The following CRK variants were observed in gnomAD, a reference collection of about 807,000 sequenced individuals.
CRK encodes the protein adapter molecule crk.
CRK carries 4 observed loss-of-function variants against 29.8 expected under a neutral mutation model. The observed-to-expected ratio is 0.13, with a 90% CI of 0.07 to 0.31. CRK has a LOEUF of 0.31. CRK is among the 10% of genes least tolerant of loss of function. The probability of loss-of-function intolerance (pLI) is 1.00; values close to 1 mark genes in which losing one functional copy is unlikely to be tolerated. For missense variants in CRK, 274 were observed against 396.5 expected (o/e 0.69, Z 2.62); for synonymous variants, 153 against 164.9 (o/e 0.93, Z 0.55).
chr17:1,440,624 A>C (rs1438027215), intron 1 of CRK, among the ~76,000 whole-genome samples: 2 of 151,998 alleles, frequency 1.3e-5, no homozygotes, highest in African/African-American at 4.8e-5. Flanking sequence ...CTAAAAAAAC[A>C]AAAAACAAGC....
chr17:1,450,528 C>A (rs12946190), intron 1 of CRK, among the ~76,000 whole-genome samples: 83,630 of 150,382 alleles, frequency 0.56, 23,713 homozygotes, highest in South Asian at 0.64. Context: ...AGAAAAAAAA[C>A]ACATAAAAAT....
At chr17:1,432,637 C>A (rs1360518562) in intron 2 of CRK, among the ~76,000 whole-genome samples, 1 of 151,660 alleles carries the variant, frequency 6.6e-6, no homozygotes, top group Non-Finnish European at 1.5e-5. Context: ...ATTAGCCAGG[C>A]GTGGTGGCGG....
intron 2 of CRK, among the ~76,000 whole-genome samples, chr17:1,435,451 A>T (rs1268541285): frequency 2.2e-5 from 3 of 134,176 alleles, no homozygotes; most frequent in African/African-American, 6.0e-5. Flanking sequence ...AGATAAAAAT[A>T]AAAAAAAGCA....
chr17:1,444,787 C>T (rs1315155990), intron 1 of CRK, among the ~76,000 whole-genome samples: 2 of 145,788 alleles, frequency 1.4e-5, no homozygotes, highest in African/African-American at 2.6e-5. Flanking sequence ...GAGCTGAGAT[C>T]GCACCATTGC....
At chr17:1,455,657 C>T (rs2074050571) in intron 1 of CRK, among the ~76,000 whole-genome samples, 1 of 151,764 alleles carries the variant, frequency 6.6e-6, no homozygotes, top group Non-Finnish European at 1.5e-5. Flanking sequence ...CGCGGCTGCC[C>T]TCCCCAGGCA....
chr17:1,437,241 G>C, intron 1 of CRK, 86 bp from the exon 2 acceptor site: 1 of 1,396,206 alleles, frequency 7.2e-7, no homozygotes, highest in Non-Finnish European at 9.5e-7. Context: ...TTTTAGAGTT[G>C]GGATCTCACT....
chr17:1,426,837 G>A (rs2150899197), intron 2 of CRK, among the ~76,000 whole-genome samples: 3 of 130,732 alleles, frequency 2.3e-5, no homozygotes, highest in Middle Eastern at 7.0e-3. Flanking sequence ...ACTCCAGCCT[G>A]GCCAACAGAG....
In CRK at chr17:1,436,763, G is replaced by C; in HGVS notation, c.634C>G (p.Pro212Ala). Reference sequence around the variant, plus strand: ...GGCCCAGGCTCCGGCCCACCCAGTGGCTGTGGGTGGGAACCCTCCTGGTTA... The same window carrying C: ...GGCCCAGGCTCCGGCCCACCCAGTGCCTGTGGGTGGGAACCCTCCTGGTTA... Reference protein sequence around the residue: ...GGNQEGSHPQPLGGPEPGPYA... With the variant: ...GGNQEGSHPQALGGPEPGPYA... The change falls in exon 2 of 3, where the codon CCA (proline) becomes GCA (alanine). Residue 212 changes from proline (P) to alanine (A), a missense_variant. By Grantham distance (27) the Pro-to-Ala change is conservative (BLOSUM62 -1). This residue lies in a region of CRK where 121 missense variants were observed against 154.3 expected (regional missense o/e 0.78). Coordinates refer to ENST00000300574, the MANE Select transcript of CRK (RefSeq NM_016823.4). 1 of 1,588,336 alleles carries C rather than the reference G, an allele frequency of 6.3e-7. No individual in the cohort carries two copies. The highest frequency in any genetic ancestry group is 8.5e-7 in the Non-Finnish European group (1 of 1,169,716).
chr17:1,450,851 A>G (rs140486383), intron 1 of CRK, among the ~76,000 whole-genome samples: 3,486 of 151,870 alleles, frequency 0.023, 58 homozygotes, highest in East Asian at 0.091. Context: ...GCGCCACTGC[A>G]CTCCAGACGG....
intron 1 of CRK, among the ~76,000 whole-genome samples, chr17:1,438,071 CAT>C (rs1491035767): frequency 1.3e-5 from 2 of 152,052 alleles, no homozygotes; most frequent in Non-Finnish European, 2.9e-5. Flanking sequence ...TGAGCTCACA[CAT>C]TTTTTCTCTT....
chr17:1,447,430 A>C (rs905929218), intron 1 of CRK, among the ~76,000 whole-genome samples: 1 of 152,064 alleles, frequency 6.6e-6, no homozygotes, highest in Admixed American at 6.6e-5. Context: ...CGTTACTTCT[A>C]AGCCTTCCAA....
At chr17:1,449,421 C>T (rs1261650926) in intron 1 of CRK, among the ~76,000 whole-genome samples, 1 of 152,152 alleles carries the variant, frequency 6.6e-6, no homozygotes, top group Admixed American at 6.6e-5. Flanking sequence ...ACATGAAATG[C>T]TTATGGAGTA....
chr17:1,454,821 G>C (rs990854652), intron 1 of CRK, among the ~76,000 whole-genome samples: 1 of 152,138 alleles, frequency 6.6e-6, no homozygotes, highest in South Asian at 2.1e-4. Context: ...AGTACTAAGG[G>C]CATCTATCTA....
At chr17:1,452,269 T>C (rs1171912438) in intron 1 of CRK, among the ~76,000 whole-genome samples, 1 of 152,190 alleles carries the variant, frequency 6.6e-6, no homozygotes, top group African/African-American at 2.4e-5. Flanking sequence ...ATATTACTTA[T>C]CTCACTAGAT....
intron 1 of CRK, among the ~76,000 whole-genome samples, chr17:1,455,251 C>G (rs973921499): frequency 1.3e-5 from 2 of 152,222 alleles, no homozygotes; most frequent in Non-Finnish European, 2.9e-5. Context: ...AGGCTTTCTG[C>G]TACCACTATT....
At chr17:1,426,823 C>G (rs969677034) in intron 2 of CRK, among the ~76,000 whole-genome samples, 1 of 150,452 alleles carries the variant, frequency 6.6e-6, no homozygotes, top group African/African-American at 2.5e-5. Flanking sequence ...GACTGTGCCA[C>G]TGCACTCCAG....
At chr17:1,440,754 T>C (rs1350022351) in intron 1 of CRK, among the ~76,000 whole-genome samples, 1 of 152,078 alleles carries the variant, frequency 6.6e-6, no homozygotes, top group African/African-American at 2.4e-5. Context: ...AAAAAAACCA[T>C]TAGCCAGGCA....
intron 1 of CRK, among the ~76,000 whole-genome samples, chr17:1,440,227 A>G (rs2073923624): frequency 6.6e-6 from 1 of 151,550 alleles, no homozygotes; most frequent in Non-Finnish European, 1.5e-5. Flanking sequence ...TGAACCCAGG[A>G]GGCAGAGCTT....
chr17:1,435,873 G>C (rs2073882538), intron 2 of CRK, among the ~76,000 whole-genome samples: 8 of 151,906 alleles, frequency 5.3e-5, no homozygotes, highest in Admixed American at 4.6e-4. Flanking sequence ...GAAAGGAAGG[G>C]AGAGAGGGAG....
Sources: gnomAD v4.1 joint callset for allele counts (sites outside exome capture counted in the v4.1 genomes callset) on GRCh38, gnomAD v4.1.1 for gene constraint, gnomAD v4.1.1 regional missense constraint, MANE v1.5 for transcripts, NCBI Gene and HGNC (gene_info 2026-07-23, HGNC 2026-07-21) for gene names.